Variants in TARS3 observed in about 807,000 individuals in gnomAD.
The protein encoded by TARS3 is threonyl-tRNA synthetase 3.
Under a neutral mutation model 103.5 loss-of-function variants are expected in TARS3, and 94 were observed. The ratio of observed to expected loss-of-function variants is 0.91; its 90% CI spans 0.77 to 1.08. The LOEUF (loss-of-function observed/expected upper bound fraction) is 1.08. Ranked by LOEUF, TARS3 falls within the 50% of genes least tolerant of loss-of-function variation. The pLI is 0.00. For missense variants in TARS3, 952 were observed against 995.2 expected, an observed-to-expected ratio of 0.96 and a Z score of 0.58; for synonymous variants, 416 against 355.4, an observed-to-expected ratio of 1.17 and a Z score of -1.92.
At chr15:101,711,653 C>G (rs969038193) in intron 5 of TARS3, among the ~76,000 whole-genome samples, 7 of 152,186 alleles carry the variant, frequency 4.6e-5, no homozygotes, top group Non-Finnish European at 8.8e-5. Flanking sequence ...CTATGTGATA[C>G]TCAACTGTTT....
chr15:101,676,610 T>G (rs1272166199), intron 12 of TARS3, among the ~76,000 whole-genome samples: 1 of 152,148 alleles, frequency 6.6e-6, no homozygotes, highest in Non-Finnish European at 1.5e-5. Flanking sequence ...GCGGTTCTCA[T>G]GCCTCAGGCT....
intron 3 of TARS3, among the ~76,000 whole-genome samples, chr15:101,718,702 A>T (rs564575897): frequency 1.4e-4 from 22 of 152,294 alleles, no homozygotes; most frequent in African/African-American, 4.8e-4. Flanking sequence ...TCCATTAAAC[A>T]AGGAGACAGG....
At chr15:101,657,762 A>T (rs1274407307) in intron 17 of TARS3, 23 bp downstream of exon 17, 2 of 1,541,692 alleles carry the variant, frequency 1.3e-6, no homozygotes, top group Non-Finnish European at 1.8e-6. Flanking sequence ...ATTATTATGT[A>T]CTTTAAACAC....
Position 101,708,901 on chromosome 15 carries a change from G to C in TARS3, c.822C>G (p.Ser274=). 1 of 1,586,934 alleles carries C rather than the reference G, an allele frequency of 6.3e-7. No homozygotes were observed. Among genetic ancestry groups the C allele is most frequent in the Non-Finnish European group, 8.6e-7 (1 of 1,169,226 alleles). The change falls in exon 6 of 19, where the codon TCC becomes TCG. Residue 274 remains serine, a synonymous_variant. Coordinates refer to ENST00000335968, the MANE Select transcript of TARS3 (RefSeq NM_152334.3). ...TCTCCAGGGCTGACAATTCTGTGCT[G>C]GACACTGCTCTAAAAAGAAGAGCAG... is the stretch of plus-strand genomic sequence containing the variant. ...YDMFIEDRAV[S]STELSALENI...
chr15:101,665,955 T>C (rs1897562904), intron 15 of TARS3, among the ~76,000 whole-genome samples: 2 of 152,304 alleles, frequency 1.3e-5, no homozygotes, highest in African/African-American at 4.8e-5. Context: ...AAAAAACAAG[T>C]TGATAGAACT....
intron 12 of TARS3, among the ~76,000 whole-genome samples, chr15:101,677,323 G>C (rs1019060914): frequency 6.6e-6 from 1 of 152,158 alleles, no homozygotes; most frequent in Non-Finnish European, 1.5e-5. Context: ...CAGAGGAAAG[G>C]CAAATTCTCT....
chr15:101,666,449 C>G (rs369218544), intron 15 of TARS3, among the ~76,000 whole-genome samples: 1 of 132,584 alleles, frequency 7.5e-6, no homozygotes, highest in East Asian at 2.2e-4. Flanking sequence ...GCACTCCAGC[C>G]TGGGCAACAG....
chr15:101,714,726 T>C, intron 4 of TARS3, 114 bp downstream of exon 4: 1 of 910,824 alleles, frequency 1.1e-6, no homozygotes, highest in Non-Finnish European at 1.5e-6. Flanking sequence ...AAATTTTAAA[T>C]CTTAGAAACC....
At chr15:101,708,970 CT>C (rs1371732873) in intron 5 of TARS3, 60 bp from the exon 6 acceptor site, 1 of 1,147,414 alleles carries the variant, frequency 8.7e-7, no homozygotes, top group Non-Finnish European at 1.2e-6. Context: ...TCCCTCTTTC[CT>C]TTGTCCTGGA....
rs183465496 is a variant in TARS3 at position 101,658,993 on chromosome 15, T to C, written c.2073-1136A>G. ...TTTCAGTAGAGACGGGGTTTCACCATGTTGGCCAGACTGGTCTTGAACTCC... is the reference window on the plus strand; with the variant it reads ...TTTCAGTAGAGACGGGGTTTCACCACGTTGGCCAGACTGGTCTTGAACTCC... On this transcript the variant is annotated intron_variant, in intron 16 of 18. Coordinates refer to ENST00000335968, the MANE Select transcript of TARS3 (RefSeq NM_152334.3). Among the ~76,000 whole-genome samples the C allele has an allele frequency of 3.7e-3, 565 of 152,300 alleles. 1 individual carries two copies. The highest frequency in any genetic ancestry group is 0.013 in the African/African-American group (545 of 41,570).
At chr15:101,670,185 C>T (rs1435517634) in intron 15 of TARS3, among the ~76,000 whole-genome samples, 1 of 152,118 alleles carries the variant, frequency 6.6e-6, no homozygotes, top group Non-Finnish European at 1.5e-5. Flanking sequence ...TATTTAATAA[C>T]TCAGGATGAA....
intron 10 of TARS3, among the ~76,000 whole-genome samples, chr15:101,697,577 A>G (rs1192570220): frequency 6.6e-6 from 1 of 152,206 alleles, no homozygotes; most frequent in Non-Finnish European, 1.5e-5. Context: ...GCTGGGTTCA[A>G]AAATGAAACC....
chr15:101,721,288 A>C lies in TARS3; in HGVS notation c.404T>G (p.Leu135Trp), dbSNP rs1339087016. 25 of 1,612,562 alleles carry C rather than the reference A, an allele frequency of 1.6e-5. No individual in the cohort carries two copies. The highest frequency in any genetic ancestry group is 2.1e-5 in the Non-Finnish European group (25 of 1,178,710). ...TTTCTTCAGTATTTCAAAAAGCTTCAATCTTTCTTTTATGAAAATTGGTTG... is the reference window on the plus strand; with the variant it reads ...TTTCTTCAGTATTTCAAAAAGCTTCCATCTTTCTTTTATGAAAATTGGTTG... ...KHQPIFIKER[L>W]KLFEILKKDH... Residue 135 changes from leucine to tryptophan, a missense_variant, in exon 3 of 19, where the codon TTG (leucine) becomes TGG (tryptophan). Coordinates refer to ENST00000335968, the MANE Select transcript of TARS3 (RefSeq NM_152334.3).
intron 6 of TARS3, 33 bp downstream of exon 6, chr15:101,708,760 C>G (rs1301965676): frequency 7.3e-7 from 1 of 1,371,062 alleles, no homozygotes; most frequent in Admixed American, 1.7e-5. Context: ...TTTAATATTC[C>G]TAGTAAGAGG....
At chr15:101,721,088 T>C in intron 3 of TARS3, 38 bp downstream of exon 3, 4 of 1,542,164 alleles carry the variant, frequency 2.6e-6, no homozygotes, top group Non-Finnish European at 3.5e-6. Flanking sequence ...TCAGTATAAT[T>C]ACTTAAGATT....
rs1899314565 is a variant in TARS3 at position 101,702,181 on chromosome 15, G to GA, written c.1221+57dup. 6.9e-6 allele frequency: 11 copies of GA among 1,585,744 alleles called. No homozygotes were observed. The South Asian group carries it at 1.1e-4, about 17-fold the overall frequency. ...TAAAGCAACTTAGTTTTGTGAGACA[G>GA]AAACATTCCTATGTTGGCTTATGAT... On this transcript the variant is annotated intron_variant, in intron 9 of 18. Transcript: ENST00000335968.
In TARS3 at chr15:101,701,088, G is replaced by A. The variant is rs983525726; in HGVS notation, c.1318C>T (p.Arg440Ter). The change falls in exon 10 of 19, where the codon CGA becomes TGA. Residue 440 changes from arginine (R) to a stop codon, truncating the protein, a stop_gained and splice_region_variant. Transcript: ENST00000335968. LOFTEE classifies it high-confidence loss of function. ...AAAACATTTTAAAGTTAACTTACTC[G>A]TATGAAATCTGTAAGCGTATTATAA... ...FIYNTLTDFIREEYHKRDFTE... is the reference protein window; with the variant it reads ...FIYNTLTDFI The A allele has an allele frequency of 9.2e-6, 14 of 1,529,104 alleles. No homozygotes were observed. The highest frequency in any genetic ancestry group is 1.7e-4 in the Middle Eastern group (1 of 5,796). The allele number at this position is 1,529,104 out of a possible 1,614,324, so 94.7% of individuals were successfully genotyped here.
chr15:101,657,914 A>T, intron 16 of TARS3, 57 bp from the exon 17 acceptor site: 1 of 1,102,804 alleles, frequency 9.1e-7, no homozygotes, highest in Non-Finnish European at 1.3e-6. Context: ...TACTTATTAC[A>T]TGATTTTCAA....
chr15:101,717,556 G>T (rs369275492), intron 3 of TARS3, among the ~76,000 whole-genome samples: 1 of 152,202 alleles, frequency 6.6e-6, no homozygotes, highest in African/African-American at 2.4e-5. Context: ...TGGATAGAAG[G>T]AGAAGTCATG....
Sources: allele counts gnomAD v4.1 joint callset (sites outside exome capture counted in the v4.1 genomes callset), GRCh38; gene constraint gnomAD v4.1.1; transcripts MANE v1.5; gene names NCBI Gene and HGNC (gene_info 2026-07-23, HGNC 2026-07-21).